NALCN: variants seen among roughly 807,000 people sequenced by gnomAD.
NALCN encodes the protein sodium leak channel, non-selective, also known as sodium leak channel NALCN.
A neutral mutation model predicts 225.3 loss-of-function variants in NALCN; 111 were observed. That is an observed-to-expected ratio of 0.49 (90% CI 0.42 to 0.58). The LOEUF is 0.58. Ranked by LOEUF, NALCN falls within the 20% of genes least tolerant of loss-of-function variation. The pLI, the probability that NALCN is intolerant of heterozygous loss-of-function variation, is 0.00. For missense variants in NALCN, 1,378 were observed against 2,202.4 expected (o/e 0.63, Z 7.49); for synonymous variants, 764 against 769.0 (o/e 0.99, Z 0.11).
intron 30 of NALCN, among the ~76,000 whole-genome samples, chr13:101,087,687 A>G (rs532628565): frequency 1.3e-5 from 2 of 152,332 alleles, no homozygotes; most frequent in South Asian, 4.1e-4. Context: ...TCCTACCTGC[A>G]GAACATAAAT....
chr13:101,180,716 C>T (rs1262966360), intron 14 of NALCN: 2 of 216,296 alleles, frequency 9.2e-6, no homozygotes, highest in African/African-American at 4.5e-5. Flanking sequence ...GCAAGGTTCT[C>T]TCCCCATCAG....
At position 101,191,938 on chromosome 13, in the gene NALCN, G is replaced by A. The variant is rs1447767997; in HGVS notation, c.1743C>T (p.Leu581=). The A allele has an allele frequency of 3.7e-6, 6 of 1,609,878 alleles. No homozygotes were observed. The highest frequency in any genetic ancestry group is 4.2e-6 in the Non-Finnish European group (5 of 1,178,168). ...TCACCAGAGTGGCAAAAAGATGATA[G>A]AGAATGAAATAGATGGCAACCACGG... ...WAPVVAIYFI[L]YHLFATLILL... Residue 581 remains leucine (L), a synonymous_variant, in exon 14 of 44, where the codon CTC becomes CTT. Transcript: ENST00000251127.
At chr13:101,112,195 CAAAAA>C (rs56693949) in intron 18 of NALCN, among the ~76,000 whole-genome samples, 1 of 111,104 alleles carries the variant, frequency 9.0e-6, no homozygotes, top group East Asian at 2.5e-4. Flanking sequence ...AACCACAGTT[CAAAAA>C]AAAAAAAAAA....
chr13:101,127,504 A>G (rs2036294428), intron 17 of NALCN, among the ~76,000 whole-genome samples: 1 of 152,016 alleles, frequency 6.6e-6, no homozygotes, highest in Non-Finnish European at 1.5e-5. Flanking sequence ...GATTACAGGC[A>G]TGCACTACCA....
At chr13:101,289,173 T>C (rs1243303155) in intron 9 of NALCN, among the ~76,000 whole-genome samples, 1 of 152,186 alleles carries the variant, frequency 6.6e-6, no homozygotes, top group Non-Finnish European at 1.5e-5. Context: ...AGGCAATAGT[T>C]ACCCACGTCT....
chr13:101,061,914 G>GGGGCA (rs112488143), intron 41 of NALCN, 54 bp downstream of exon 41: 5 of 1,537,680 alleles, frequency 3.3e-6, no homozygotes, highest in East Asian at 2.3e-5. Context: ...ATCCTCCTGC[G>GGGGCA]GGGCAGGGCG....
rs566192817 is a variant in NALCN, at chr13:101,379,060, G to A, written c.292-407C>T. On this transcript the variant is annotated intron_variant, in intron 3 of 43. Transcript: ENST00000251127. ...AAAACTGCTAGGTTTAGCACCGTTA[G>A]TAGGAAAACTAACAAGGCATTCACT... Among the ~76,000 whole-genome samples, 25 of 152,240 alleles carry A rather than the reference G, an allele frequency of 1.6e-4. No homozygotes were observed. In the South Asian group the frequency reaches 5.2e-3, roughly 32 times the overall value.
Position 101,089,744 on chromosome 13 carries a change from A to C in NALCN, c.3408T>G (p.Ile1136Met). ...TGCAACCCAGGAATACAAAAACATG[A>C]ATATAGATTCCATGGATCTGCATAA... ...HRVGPIHGIYIHVFVFLGCMI... is the reference protein window; with the variant it reads ...HRVGPIHGIYMHVFVFLGCMI... The change falls in exon 30 of 44, where the codon ATT (isoleucine) becomes ATG (methionine). Residue 1136 changes from isoleucine to methionine, a missense_variant. Coordinates refer to ENST00000251127, the MANE Select transcript of NALCN (RefSeq NM_052867.4). The surrounding 1 kb of genome is among the most constrained non-coding windows in gnomAD (Gnocchi z 4.7). 6.2e-7 allele frequency: 1 copy of C among 1,614,108 alleles called. No homozygotes were observed. The highest frequency in any genetic ancestry group is 8.5e-7 in the Non-Finnish European group (1 of 1,179,940).
rs117140785 is a variant in NALCN at position 101,065,268 on chromosome 13, T to A, written c.4604+136A>T. On this transcript the variant is annotated intron_variant, in intron 40 of 43. Coordinates refer to ENST00000251127, the MANE Select transcript of NALCN (RefSeq NM_052867.4). ...AAGGGCACTTAGCGCCTGGGACATG[T>A]GACCCCACTTCACGACCACAGCAGA... 5.4e-3 allele frequency: 4,847 copies of A among 898,492 alleles called. 11 individuals carry two copies. Among genetic ancestry groups the A allele is most frequent in the Non-Finnish European group, 7.4e-3 (4,327 of 582,146 alleles). The allele number at this position is 898,492 out of a possible 1,614,324, so 55.7% of individuals were successfully genotyped here.
At chr13:101,204,160 TA>T (rs1445775410) in intron 13 of NALCN, among the ~76,000 whole-genome samples, 1 of 152,206 alleles carries the variant, frequency 6.6e-6, no homozygotes, top group Non-Finnish European at 1.5e-5. Context: ...CTTTTGGAAT[TA>T]GAGATCTGTT....
chr13:101,207,656 T>C (rs1439809972), intron 13 of NALCN, among the ~76,000 whole-genome samples: 1 of 152,142 alleles, frequency 6.6e-6, no homozygotes, highest in African/African-American at 2.4e-5. Flanking sequence ...CAGCACTCTG[T>C]GTCTAGCTAA....
intron 10 of NALCN, among the ~76,000 whole-genome samples, chr13:101,265,289 C>T (rs1466436204): frequency 6.6e-6 from 1 of 152,190 alleles, no homozygotes; most frequent in African/African-American, 2.4e-5. Context: ...TAGGGTTCCA[C>T]ACAAGGTGAC....
intron 27 of NALCN, among the ~76,000 whole-genome samples, chr13:101,097,045 C>G (rs2034549055): frequency 6.6e-6 from 1 of 152,198 alleles, no homozygotes. Context: ...GTTCCCTGGG[C>G]TTTCCCTGTC....
intron 13 of NALCN, among the ~76,000 whole-genome samples, chr13:101,214,390 C>G (rs1273028167): frequency 6.6e-6 from 1 of 152,090 alleles, no homozygotes; most frequent in African/African-American, 2.4e-5. Flanking sequence ...CACATGTATA[C>G]ATATGTAACA....
intron 14 of NALCN, among the ~76,000 whole-genome samples, chr13:101,183,387 T>C (rs1036091002): frequency 5.3e-5 from 8 of 152,242 alleles, no homozygotes; most frequent in Non-Finnish European, 1.0e-4. Context: ...TTTTGACTGT[T>C]CTAAATTATG....
intron 17 of NALCN, among the ~76,000 whole-genome samples, chr13:101,133,548 ATTAC>A (rs2036617299): frequency 6.6e-6 from 1 of 152,206 alleles, no homozygotes; most frequent in Non-Finnish European, 1.5e-5. Flanking sequence ...GGAATAAGCA[ATTAC>A]TTAAAATTGC....
chr13:101,259,763 T>C (rs867603956), intron 10 of NALCN, among the ~76,000 whole-genome samples: 2 of 48,132 alleles, frequency 4.2e-5, no homozygotes, highest in Non-Finnish European at 6.7e-5. Context: ...CACACACACA[T>C]AAATATATAT....
At chr13:101,254,401 AAAC>A (rs1386314769) in intron 11 of NALCN, among the ~76,000 whole-genome samples, 7 of 150,620 alleles carry the variant, frequency 4.6e-5, no homozygotes, top group Non-Finnish European at 1.0e-4. Flanking sequence ...AAGGAGACAA[AAAC>A]AACAACAAAA....
intron 15 of NALCN, among the ~76,000 whole-genome samples, chr13:101,158,829 C>T (rs1380067526): frequency 6.6e-6 from 1 of 152,180 alleles, no homozygotes; most frequent in Non-Finnish European, 1.5e-5. Flanking sequence ...AATCTCTCTC[C>T]GTAAACACTG....
Sources: gnomAD v4.1 joint callset for allele counts (sites outside exome capture counted in the v4.1 genomes callset) on GRCh38, gnomAD v4.1.1 for gene constraint, Gnocchi (gnomAD v3.1) non-coding constraint, MANE v1.5 for transcripts, NCBI Gene and HGNC (gene_info 2026-07-23, HGNC 2026-07-21) for gene names.